ZNF420: variants seen among roughly 807,000 people sequenced by gnomAD.
ZNF420 encodes ATM and p53-associated KZNF protein.
ZNF420 carries 31 observed loss-of-function variants against 44.7 expected under a neutral mutation model. That is an observed-to-expected ratio of 0.69 (90% CI 0.52 to 0.94). ZNF420 has a LOEUF of 0.94. Among genes scored for constraint, ZNF420 ranks in the 40% least tolerant of loss-of-function variants. ZNF420 has a pLI of 0.00. For missense variants in ZNF420, 681 were observed against 827.9 expected, an observed-to-expected ratio of 0.82 and a Z score of 2.18; for synonymous variants, 245 against 267.4, an observed-to-expected ratio of 0.92 and a Z score of 0.82.
intron 1 of ZNF420, among the ~76,000 whole-genome samples, chr19:37,041,917 T>C (rs1035050158): frequency 1.3e-5 from 2 of 152,224 alleles, no homozygotes; most frequent in African/African-American, 4.8e-5. Context: ...TCAATATACA[T>C]TTATTAACCT....
exon 1 of ZNF420, chr19:37,007,995 AG>A (rs575141000): frequency 7.5e-4 from 130 of 173,554 alleles, no homozygotes; most frequent in Non-Finnish European, 1.3e-3. Context: ...GGAGTCGCAG[AG>A]GGCAGAGCAG....
chr19:37,040,307 G>A (rs929104630), intron 1 of ZNF420, among the ~76,000 whole-genome samples: 3 of 152,060 alleles, frequency 2.0e-5, no homozygotes, highest in Non-Finnish European at 2.9e-5. Context: ...CTTCTGTAGC[G>A]TCCTCATCTC....
intron 1 of ZNF420, among the ~76,000 whole-genome samples, chr19:37,018,630 T>C (rs2263166): frequency 0.56 from 85,083 of 152,150 alleles, 25,333 homozygotes; most frequent in African/African-American, 0.75. Context: ...TGCAGTGGCA[T>C]GATCTTAGCT....
chr19:37,033,053 C>CAG (rs1967292012), intron 1 of ZNF420, among the ~76,000 whole-genome samples: 1 of 152,230 alleles, frequency 6.6e-6, no homozygotes, highest in African/African-American at 2.4e-5. Flanking sequence ...AAGATCAGAG[C>CAG]AGAAGTAGCA....
At chr19:37,011,106 T>C (rs149546329) in intron 1 of ZNF420, among the ~76,000 whole-genome samples, 2 of 152,324 alleles carry the variant, frequency 1.3e-5, no homozygotes, top group African/African-American at 2.4e-5. Flanking sequence ...TCCTCCCTCT[T>C]GCTCTGTCTG....
At chr19:37,045,332 G>A (rs1398120787) in intron 1 of ZNF420, among the ~76,000 whole-genome samples, 1 of 152,202 alleles carries the variant, frequency 6.6e-6, no homozygotes, top group African/African-American at 2.4e-5. Context: ...AAGTGATGAA[G>A]TCAACAGGTG....
At chr19:37,013,684 G>A (rs975291285) in intron 1 of ZNF420, among the ~76,000 whole-genome samples, 1 of 152,136 alleles carries the variant, frequency 6.6e-6, no homozygotes. Context: ...GGCACAGAAC[G>A]GTCCCACGGA....
intron 1 of ZNF420, among the ~76,000 whole-genome samples, chr19:37,056,345 C>T (rs1048112564): frequency 7.9e-5 from 12 of 152,158 alleles, no homozygotes; most frequent in African/African-American, 2.4e-4. Context: ...CTGTGCCCCC[C>T]TTCCACCAGG....
chr19:37,013,038 A>C (rs533996245), intron 1 of ZNF420, among the ~76,000 whole-genome samples: 15 of 151,954 alleles, frequency 9.9e-5, no homozygotes, highest in Non-Finnish European at 1.9e-4. Context: ...ATTTTGTGAA[A>C]GCCTCGGCAA....
chr19:37,085,936 TTTATTATTATTATTATTATTA>T (rs34624393), intron 2 of ZNF420, among the ~76,000 whole-genome samples: 3 of 137,758 alleles, frequency 2.2e-5, no homozygotes, highest in Non-Finnish European at 4.6e-5. Flanking sequence ...TGGCTGATGT[TTTATTATTATTATTATTATTA>T]TTATTATTAT....
chr19:37,015,576 A>G (rs1187891955), intron 1 of ZNF420, among the ~76,000 whole-genome samples: 2 of 152,194 alleles, frequency 1.3e-5, no homozygotes, highest in African/African-American at 4.8e-5. Flanking sequence ...CGGGTCAAAA[A>G]GAAATGATGT....
At chr19:37,047,198 G>T (rs1170585565) in intron 1 of ZNF420, among the ~76,000 whole-genome samples, 1 of 152,204 alleles carries the variant, frequency 6.6e-6, no homozygotes, top group Non-Finnish European at 1.5e-5. Context: ...AGGGTGCTAT[G>T]GTCTGAATGT....
At chr19:37,021,732 T>G (rs2074650006) in intron 1 of ZNF420, among the ~76,000 whole-genome samples, 1 of 150,500 alleles carries the variant, frequency 6.6e-6, no homozygotes, top group Admixed American at 6.6e-5. Context: ...AGGTCAGGAG[T>G]TGGAGACAAG....
At chr19:37,058,815 C>A (rs976552525) in intron 1 of ZNF420, among the ~76,000 whole-genome samples, 6 of 152,196 alleles carry the variant, frequency 3.9e-5, no homozygotes, top group African/African-American at 1.4e-4. Flanking sequence ...CGTGTGGTCT[C>A]ATTGGCTCTA....
intron 4 of ZNF420, among the ~76,000 whole-genome samples, chr19:37,114,014 C>T (rs1447683090): frequency 6.6e-6 from 1 of 152,186 alleles, no homozygotes; most frequent in Non-Finnish European, 1.5e-5. Flanking sequence ...TTTACTCCCT[C>T]TTTCATATCT....
intron 1 of ZNF420, among the ~76,000 whole-genome samples, chr19:37,031,914 C>T (rs375894645): frequency 7.9e-5 from 12 of 152,256 alleles, no homozygotes; most frequent in Non-Finnish European, 1.3e-4. Flanking sequence ...TCTATTAAAA[C>T]GGTACACCAG....
chr19:37,130,161 T>A lies in ZNF420; in HGVS notation c.*1103T>A. ...CATCTAAGCTGGAGCTCCGTTACTC[T>A]CATGGGGACTTTGAGAATGGTATCT... is the stretch of plus-strand genomic sequence containing the variant. On this transcript the variant is annotated 3_prime_UTR_variant, in exon 5 of 5. Coordinates refer to ENST00000337995, the MANE Select transcript of ZNF420 (RefSeq NM_144689.5). 1 of 1,550,468 alleles carries A rather than the reference T, an allele frequency of 6.4e-7. No homozygotes were observed. Among genetic ancestry groups the A allele is most frequent in the Non-Finnish European group, 8.7e-7 (1 of 1,146,952 alleles).
At chr19:37,010,848 A>G (rs1193422323) in intron 1 of ZNF420, among the ~76,000 whole-genome samples, 1 of 152,174 alleles carries the variant, frequency 6.6e-6, no homozygotes, top group African/African-American at 2.4e-5. Context: ...GCCAAGGACA[A>G]AAGCCTCACA....
At chr19:37,057,850 G>A (rs879870543) in intron 1 of ZNF420, among the ~76,000 whole-genome samples, 5 of 152,138 alleles carry the variant, frequency 3.3e-5, no homozygotes, top group Non-Finnish European at 7.4e-5. Context: ...AAAGGAGATG[G>A]TTGTATCTCC....
Sources: gnomAD v4.1 joint callset for allele counts (sites outside exome capture counted in the v4.1 genomes callset) on GRCh38, gnomAD v4.1.1 for gene constraint, MANE v1.5 for transcripts, NCBI Gene and HGNC (gene_info 2026-07-23, HGNC 2026-07-21) for gene names.